The following IFT74 variants were observed in gnomAD, a reference collection of about 807,000 sequenced individuals.
The protein encoded by IFT74 is intraflagellar transport 74, also known as intraflagellar transport protein 74 homolog.
A neutral mutation model predicts 96.7 loss-of-function variants in IFT74; 92 were observed. That is an observed-to-expected ratio of 0.95 (90% CI 0.80 to 1.13). IFT74 has a LOEUF of 1.13. Ranked by LOEUF, IFT74 falls within the 50% of genes most tolerant of loss-of-function variation. The pLI, the probability that IFT74 is intolerant of heterozygous loss-of-function variation, is 0.00. For missense variants in IFT74, 811 were observed against 698.2 expected (o/e 1.16, Z -1.82); for synonymous variants, 223 against 213.2 (o/e 1.05, Z -0.40).
At chr9:27,014,195 A>G (rs1829240234) in intron 10 of IFT74, among the ~76,000 whole-genome samples, 1 of 152,160 alleles carries the variant, frequency 6.6e-6, no homozygotes, top group Admixed American at 6.5e-5. Flanking sequence ...AGCCTGGGCG[A>G]CGGAGCAAGA....
chr9:26,948,450 T>TATTATTATTATTATTA (rs201983799), intron 1 of IFT74, among the ~76,000 whole-genome samples: 12 of 31,338 alleles, frequency 3.8e-4, no homozygotes, highest in African/African-American at 1.5e-3. Flanking sequence ...TTTCCATTAT[T>TATTATTATTATTATTA]TTTTTTTTTT....
chr9:27,015,976 C>T (rs1451001916), intron 10 of IFT74, among the ~76,000 whole-genome samples: 2 of 152,180 alleles, frequency 1.3e-5, no homozygotes, highest in African/African-American at 4.8e-5. Context: ...ATTTTTGTCA[C>T]ATCCTTATTT....
chr9:26,973,172 A>G (rs950712486), intron 2 of IFT74, among the ~76,000 whole-genome samples: 1 of 152,178 alleles, frequency 6.6e-6, no homozygotes, highest in Non-Finnish European at 1.5e-5. Flanking sequence ...ACTGTGAACC[A>G]CTGATGATCA....
rs764979540 is a variant in IFT74, at chr9:27,047,306, C to A, written c.1141C>A (p.Gln381Lys). 1.2e-6 allele frequency: 2 copies of A among 1,612,860 alleles called. No individual in the cohort carries two copies. Among genetic ancestry groups the A allele is most frequent in the Non-Finnish European group, 1.7e-6 (2 of 1,179,134 alleles). Reference protein sequence around the residue: ...FIETFEETKNQELKRKAQIEA... With the variant: ...FIETFEETKNKELKRKAQIEA... The stretch of plus-strand genomic sequence containing the variant: ...TGAGACTTTTGAGGAAACAAAGAAT[C>A]AGGAACTGAAACGAAAGGCACAGAT... The change falls in exon 15 of 20, where the codon CAG becomes AAG. Residue 381 changes from glutamine to lysine, a missense_variant. Transcript: ENST00000380062.
At chr9:27,011,595 A>G (rs1161007362) in intron 9 of IFT74, among the ~76,000 whole-genome samples, 1 of 151,226 alleles carries the variant, frequency 6.6e-6, no homozygotes. Context: ...CATAGTGATG[A>G]TTCAGTGTGA....
At chr9:26,995,878 GAA>G in intron 8 of IFT74, 3 of 1,509,718 alleles carry the variant, frequency 2.0e-6, no homozygotes, top group South Asian at 1.3e-5. Context: ...AGAGGAGAGA[GAA>G]AGAAAATTTG....
At chr9:26,957,647 T>C (rs1643801261) in intron 1 of IFT74, among the ~76,000 whole-genome samples, 1 of 152,108 alleles carries the variant, frequency 6.6e-6, no homozygotes, top group Non-Finnish European at 1.5e-5. Flanking sequence ...GCCGTACACA[T>C]AGTTGGAGTT....
intron 2 of IFT74, among the ~76,000 whole-genome samples, chr9:26,966,914 G>A (rs1295399554): frequency 6.6e-6 from 1 of 151,876 alleles, no homozygotes; most frequent in Non-Finnish European, 1.5e-5. Context: ...ACCATTTATT[G>A]AAGAAACTGG....
chr9:26,995,531 T>G lies in IFT74; in HGVS notation c.587+5336T>G, dbSNP rs927893385. The G allele has an allele frequency of 1.9e-6, 3 of 1,540,336 alleles. No individual in the cohort carries two copies. In the African/African-American group the frequency reaches 4.1e-5, roughly 21 times the overall value. ...AAACTTTGAAAGAAATTAATTTTCT[T>G]CACATAATTCATGGATATCTATATA... On this transcript the variant is annotated intron_variant, in intron 8 of 19. Coordinates refer to ENST00000380062, the MANE Select transcript of IFT74 (RefSeq NM_025103.4).
At chr9:26,963,301 T>C (rs994181921) in intron 2 of IFT74, among the ~76,000 whole-genome samples, 3 of 152,154 alleles carry the variant, frequency 2.0e-5, no homozygotes, top group Non-Finnish European at 2.9e-5. Context: ...TCATTTTTTA[T>C]GATTGCATGG....
At chr9:26,978,612 A>G (rs1198425753) in intron 3 of IFT74, among the ~76,000 whole-genome samples, 1 of 152,170 alleles carries the variant, frequency 6.6e-6, no homozygotes, top group Non-Finnish European at 1.5e-5. Flanking sequence ...AAGAACTTTG[A>G]AATAGTCTTG....
chr9:27,015,812 A>G lies in IFT74; in HGVS notation c.790-1095A>G, dbSNP rs143585379. 2.0e-4 allele frequency among the ~76,000 whole-genome samples: 31 copies of G among 152,342 alleles called. 1 individual carries two copies. Among genetic ancestry groups the G allele is most frequent in the Admixed American group, 1.6e-3 (24 of 15,306 alleles). On this transcript the variant is annotated intron_variant, in intron 10 of 19. Transcript: ENST00000380062. Reference sequence around the variant, plus strand: ...AATAGAGATGATAGTACTATCTTGTAGAGTATCACTTTGGATAGTAGAGAT... The same window carrying G: ...AATAGAGATGATAGTACTATCTTGTGGAGTATCACTTTGGATAGTAGAGAT...
At chr9:27,020,696 G>A (rs1274702713) in intron 12 of IFT74, among the ~76,000 whole-genome samples, 1 of 151,946 alleles carries the variant, frequency 6.6e-6, no homozygotes, top group African/African-American at 2.4e-5. Flanking sequence ...GGATGGTCTC[G>A]ATCTCCTGAC....
intron 8 of IFT74, 98 bp from the exon 9 acceptor site, chr9:27,008,922 T>G: frequency 1.1e-6 from 1 of 917,566 alleles, no homozygotes; most frequent in East Asian, 2.6e-5. Flanking sequence ...TTGAATGTCT[T>G]TAAGTATCCT....
intron 8 of IFT74, chr9:26,995,276 A>ATT: frequency 3.1e-6 from 1 of 327,504 alleles, no homozygotes; most frequent in Non-Finnish European, 5.6e-6. Context: ...TCACCCAAGC[A>ATT]CTGCTAAGAA....
intron 10 of IFT74, among the ~76,000 whole-genome samples, chr9:27,013,216 G>A (rs1185625828): frequency 1.3e-5 from 2 of 152,078 alleles, no homozygotes; most frequent in Non-Finnish European, 2.9e-5. Context: ...GCTAGCTGCA[G>A]CTTTCTTTTT....
chr9:26,957,999 C>T (rs570397645), intron 1 of IFT74, among the ~76,000 whole-genome samples: 1 of 152,088 alleles, frequency 6.6e-6, no homozygotes, highest in African/African-American at 2.4e-5. Flanking sequence ...GTGATCCACC[C>T]GCCTCGGCCT....
Position 27,055,703 on chromosome 9 carries a change from A to C in IFT74, c.1428A>C (p.Gln476His), listed in dbSNP as rs774634377. 1.3e-6 allele frequency: 2 copies of C among 1,594,266 alleles called. No individual in the cohort carries two copies. The highest frequency in any genetic ancestry group is 1.2e-5 in the South Asian group (1 of 86,860). ...ATTCTCTAAAAAGCAAAATTAAGCA[A>C]ATGACAACTGATCTGGAGATATATA... Reference protein sequence around the residue: ...EQHSLKSKIKQMTTDLEIYND... With the variant: ...EQHSLKSKIKHMTTDLEIYND... Residue 476 changes from glutamine to histidine, a missense_variant, in exon 17 of 20, where the codon CAA (glutamine) becomes CAC (histidine). Coordinates refer to ENST00000380062, the MANE Select transcript of IFT74 (RefSeq NM_025103.4).
At chr9:26,966,097 C>T (rs1826599804) in intron 2 of IFT74, among the ~76,000 whole-genome samples, 2 of 151,720 alleles carry the variant, frequency 1.3e-5, no homozygotes, top group African/African-American at 4.8e-5. Context: ...GATGGACAGT[C>T]AGGTTTTTTT....
Sources: gnomAD v4.1 joint callset for allele counts (sites outside exome capture counted in the v4.1 genomes callset) on GRCh38, gnomAD v4.1.1 for gene constraint, MANE v1.5 for transcripts, NCBI Gene and HGNC (gene_info 2026-07-23, HGNC 2026-07-21) for gene names.